QRFPR: variants seen among roughly 807,000 people sequenced by gnomAD.
The protein encoded by QRFPR is pyroglutamylated RFamide peptide receptor.
A neutral mutation model predicts 31.3 loss-of-function variants in QRFPR; 37 were observed. The ratio of observed to expected loss-of-function variants is 1.18; its 90% CI spans 0.91 to 1.56. The LOEUF is 1.56. Among genes scored for constraint, QRFPR ranks in the 40% most tolerant of loss-of-function variants. QRFPR has a pLI of 0.00. For missense variants in QRFPR, 542 were observed against 532.5 expected (o/e 1.02, Z -0.18); for synonymous variants, 197 against 192.0 (o/e 1.03, Z -0.22).
At chr4:121,369,093 A>G (rs10030200) in intron 1 of QRFPR, among the ~76,000 whole-genome samples, 13,370 of 152,130 alleles carry the variant, frequency 0.088, 839 homozygotes, top group African/African-American at 0.16. Flanking sequence ...TAATGGCGTG[A>G]TCTCGGCTCA....
At chr4:121,357,231 T>C (rs1391809443) in intron 1 of QRFPR, among the ~76,000 whole-genome samples, 1 of 152,088 alleles carries the variant, frequency 6.6e-6, no homozygotes, top group East Asian at 1.9e-4. Flanking sequence ...CTAGAGGTTG[T>C]CTGCATTCCT....
intron 1 of QRFPR, among the ~76,000 whole-genome samples, chr4:121,378,021 G>T (rs1726389697): frequency 1.3e-5 from 2 of 151,792 alleles, no homozygotes; most frequent in East Asian, 1.9e-4. Flanking sequence ...CTTCAATTTT[G>T]GTATTATTTA....
intron 1 of QRFPR, among the ~76,000 whole-genome samples, chr4:121,341,591 C>G (rs945986407): frequency 3.3e-5 from 5 of 152,132 alleles, no homozygotes; most frequent in African/African-American, 9.7e-5. Flanking sequence ...CCGCATCTTC[C>G]CTCATGTGAC....
At chr4:121,334,866 G>A (rs1725402110) in intron 3 of QRFPR, among the ~76,000 whole-genome samples, 1 of 152,170 alleles carries the variant, frequency 6.6e-6, no homozygotes, top group African/African-American at 2.4e-5. Context: ...TGCAAGCTCA[G>A]GACGATATTA....
chr4:121,380,190 A>AGAGAGGGG, intron 1 of QRFPR, 118 bp downstream of exon 1: 2 of 121,528 alleles, frequency 1.6e-5, no homozygotes. Context: ...GAGAGAGGAG[A>AGAGAGGGG]GAGAGAGAGA....
chr4:121,379,453 A>G lies in QRFPR; in HGVS notation c.340+855T>C, dbSNP rs558238539. Reference sequence around the variant, plus strand: ...GTGAAAAAGGGGAGGCCCATGGTGCACCTTAAGCACTGGTGAGAATACAAC... The same window carrying G: ...GTGAAAAAGGGGAGGCCCATGGTGCGCCTTAAGCACTGGTGAGAATACAAC... On this transcript the variant is annotated intron_variant, in intron 1 of 5. Coordinates refer to ENST00000394427, the MANE Select transcript of QRFPR (RefSeq NM_198179.3). Among the ~76,000 whole-genome samples the G allele has an allele frequency of 3.0e-4, 46 of 152,352 alleles. No homozygotes were observed. In the South Asian group the frequency reaches 4.6e-3, roughly 15 times the overall value.
chr4:121,357,608 C>G lies in QRFPR; in HGVS notation c.341-16998G>C, dbSNP rs377356745. On this transcript the variant is annotated intron_variant, in intron 1 of 5. Coordinates refer to ENST00000394427, the MANE Select transcript of QRFPR (RefSeq NM_198179.3). Reference sequence around the variant, plus strand: ...GCCAGATTCCAGGTCCTAGAAAGCACTGGTTCTTGACTTAGCTATATGTTG... The same window carrying G: ...GCCAGATTCCAGGTCCTAGAAAGCAGTGGTTCTTGACTTAGCTATATGTTG... 2.0e-5 allele frequency among the ~76,000 whole-genome samples: 3 copies of G among 152,298 alleles called. No homozygotes were observed. The East Asian group carries it at 5.8e-4, about 29-fold the overall frequency.
chr4:121,358,195 G>A (rs1725906234), intron 1 of QRFPR, among the ~76,000 whole-genome samples: 1 of 152,188 alleles, frequency 6.6e-6, no homozygotes, highest in South Asian at 2.1e-4. Flanking sequence ...ATAATAGCAG[G>A]TAATACCTAG....
chr4:121,345,952 GA>G (rs1172590823), intron 1 of QRFPR, among the ~76,000 whole-genome samples: 1 of 152,006 alleles, frequency 6.6e-6, no homozygotes, highest in Non-Finnish European at 1.5e-5. Context: ...AGGACAGAAT[GA>G]AAAAAACCTG....
intron 1 of QRFPR, among the ~76,000 whole-genome samples, chr4:121,360,184 A>G (rs1424152753): frequency 6.6e-6 from 1 of 152,206 alleles, no homozygotes; most frequent in East Asian, 1.9e-4. Flanking sequence ...GAAATCATAT[A>G]TAAGATGATA....
intron 3 of QRFPR, among the ~76,000 whole-genome samples, chr4:121,336,016 T>C (rs537967255): frequency 6.6e-6 from 1 of 152,330 alleles, no homozygotes; most frequent in African/African-American, 2.4e-5. Context: ...TTTTTAATGT[T>C]CTCTTATCTT....
intron 1 of QRFPR, 82 bp downstream of exon 1, chr4:121,380,226 A>AGAGAGAGAGAGAGG (rs1726456637): frequency 2.2e-6 from 2 of 922,598 alleles, no homozygotes; most frequent in East Asian, 2.5e-5. Context: ...AGAGAGAGAG[A>AGAGAGAGAGAGAGG]GAGAGAGAGA....
intron 1 of QRFPR, among the ~76,000 whole-genome samples, chr4:121,363,512 A>G (rs1726029206): frequency 6.7e-6 from 1 of 150,020 alleles, no homozygotes; most frequent in African/African-American, 2.5e-5. Context: ...AGGTTCCCCC[A>G]GCCCTTTTCC....
intron 1 of QRFPR, among the ~76,000 whole-genome samples, chr4:121,341,349 C>A (rs954717460): frequency 6.6e-6 from 1 of 152,160 alleles, no homozygotes; most frequent in African/African-American, 2.4e-5. Context: ...TCATTCCCAG[C>A]TACAAGAGGA....
chr4:121,366,254 T>C (rs1243919969), intron 1 of QRFPR, among the ~76,000 whole-genome samples: 4 of 149,876 alleles, frequency 2.7e-5, no homozygotes, highest in African/African-American at 9.9e-5. Context: ...AGCTTGGGCA[T>C]TTTACTTACT....
At chr4:121,334,695 G>A (rs977736086) in intron 3 of QRFPR, 5 of 301,782 alleles carry the variant, frequency 1.7e-5, no homozygotes, top group African/African-American at 8.8e-5. Flanking sequence ...AAGGAGGCAG[G>A]AGCAATGACA....
At chr4:121,351,647 T>A (rs1434640713) in intron 1 of QRFPR, among the ~76,000 whole-genome samples, 1 of 152,074 alleles carries the variant, frequency 6.6e-6, no homozygotes, top group Non-Finnish European at 1.5e-5. Context: ...GAAGGAATAT[T>A]TTTGTATACC....
intron 1 of QRFPR, among the ~76,000 whole-genome samples, chr4:121,352,394 C>T (rs1315895844): frequency 6.6e-6 from 1 of 151,966 alleles, no homozygotes; most frequent in Non-Finnish European, 1.5e-5. Flanking sequence ...TATCTCCAAG[C>T]ACTGCATCTC....
At chr4:121,377,770 G>T (rs1335268850) in intron 1 of QRFPR, among the ~76,000 whole-genome samples, 1 of 152,152 alleles carries the variant, frequency 6.6e-6, no homozygotes, top group Non-Finnish European at 1.5e-5. Context: ...GAAGGGCACA[G>T]ATAGACTTTA....
Sources: allele counts gnomAD v4.1 joint callset (sites outside exome capture counted in the v4.1 genomes callset), GRCh38; gene constraint gnomAD v4.1.1; transcripts MANE v1.5; gene names NCBI Gene and HGNC (gene_info 2026-07-23, HGNC 2026-07-21).